Variants in TRAPPC8 observed in about 807,000 individuals in gnomAD.
TRAPPC8 encodes the protein general sporulation gene 1 homolog.
Under a neutral mutation model 174.3 loss-of-function variants are expected in TRAPPC8, and 54 were observed. That is an observed-to-expected ratio of 0.31 (90% confidence interval 0.25 to 0.39). TRAPPC8 has a LOEUF of 0.39. Ranked by LOEUF, TRAPPC8 falls within the 10% of genes least tolerant of loss-of-function variation. The probability of loss-of-function intolerance (pLI) is 1.00; values close to 1 mark genes in which losing one functional copy is unlikely to be tolerated. For missense variants in TRAPPC8, 1,531 were observed against 1,699.1 expected (o/e 0.90, Z 1.74); for synonymous variants, 630 against 579.9 (o/e 1.09, Z -1.24).
At chr18:31,865,612 A>T (rs1365006051) in intron 18 of TRAPPC8, among the ~76,000 whole-genome samples, 12 of 151,932 alleles carry the variant, frequency 7.9e-5, no homozygotes, top group Non-Finnish European at 1.6e-4. Flanking sequence ...AATAACATAT[A>T]AAGTATTTTT....
chr18:31,923,278 T>C (rs1010737949), intron 2 of TRAPPC8, among the ~76,000 whole-genome samples: 1 of 152,070 alleles, frequency 6.6e-6, no homozygotes, highest in African/African-American at 2.4e-5. Flanking sequence ...TACAAAACAG[T>C]ACCTAAGTGG....
rs71175801 is a variant in TRAPPC8 at position 31,876,489 on chromosome 18, C to CAAAAAAAAAAAAAAAAAAAAAAAAAAAA, written c.1729-1786_1729-1785insTTTTTTTTTTTTTTTTTTTTTTTTTTTT. ...TGGGCTACACTGCGAGACTCCATCT[C>CAAAAAAAAAAAAAAAAAAAAAAAAAAAA]AAAAAAAAAAAAAAAAAAAAAAAGA... On this transcript the variant is annotated intron_variant, in intron 12 of 28. Coordinates refer to ENST00000283351, the MANE Select transcript of TRAPPC8 (RefSeq NM_014939.5). Among the ~76,000 whole-genome samples, 12 of 48,714 alleles carry CAAAAAAAAAAAAAAAAAAAAAAAAAAAA rather than the reference C, an allele frequency of 2.5e-4. 2 individuals are homozygous for CAAAAAAAAAAAAAAAAAAAAAAAAAAAA. Among genetic ancestry groups the CAAAAAAAAAAAAAAAAAAAAAAAAAAAA allele is most frequent in the East Asian group, 1.2e-3 (2 of 1,626 alleles). The allele number at this position is 48,714 out of a possible 152,430, so 32.0% of individuals were successfully genotyped here. A position where few individuals can be genotyped will look rare whatever the true frequency, so the allele number is the denominator to read the frequency against.
chr18:31,864,027 T>C (rs1308725620), intron 19 of TRAPPC8, among the ~76,000 whole-genome samples: 1 of 148,054 alleles, frequency 6.8e-6, no homozygotes, highest in Non-Finnish European at 1.5e-5. Flanking sequence ...TATTATAATA[T>C]GTTCTATAAA....
intron 9 of TRAPPC8, among the ~76,000 whole-genome samples, chr18:31,903,557 T>C (rs2036535790): frequency 6.6e-6 from 1 of 152,134 alleles, no homozygotes; most frequent in Admixed American, 6.5e-5. Flanking sequence ...ATAAAGTACA[T>C]CTCTTTCCAA....
At chr18:31,936,773 G>A (rs146429205) in intron 1 of TRAPPC8, among the ~76,000 whole-genome samples, 53 of 151,846 alleles carry the variant, frequency 3.5e-4, no homozygotes, top group Non-Finnish European at 6.3e-4. Context: ...GTGGTGGCCC[G>A]TGCCTGTAAT....
At chr18:31,856,686 T>C (rs2034031813) in intron 20 of TRAPPC8, among the ~76,000 whole-genome samples, 2 of 152,128 alleles carry the variant, frequency 1.3e-5, no homozygotes, top group Non-Finnish European at 1.5e-5. Context: ...CTGAACTAAC[T>C]ACATTCAGTT....
At chr18:31,869,589 G>A (rs1015635809) in intron 16 of TRAPPC8, among the ~76,000 whole-genome samples, 3 of 152,114 alleles carry the variant, frequency 2.0e-5, no homozygotes, top group Non-Finnish European at 2.9e-5. Context: ...CAGTATTACC[G>A]TGATAGTCAA....
intron 18 of TRAPPC8, among the ~76,000 whole-genome samples, chr18:31,865,945 T>C (rs1249437113): frequency 1.3e-5 from 2 of 151,984 alleles, no homozygotes; most frequent in East Asian, 3.8e-4. Flanking sequence ...AAAATGTTTT[T>C]AGTTTCTATG....
chr18:31,924,104 T>A (rs1463766433), intron 2 of TRAPPC8, among the ~76,000 whole-genome samples: 1 of 150,144 alleles, frequency 6.7e-6, no homozygotes, highest in Non-Finnish European at 1.5e-5. Context: ...GCCAACGTGG[T>A]GAAACCTCAT....
chr18:31,871,845 T>C (rs529000107), intron 14 of TRAPPC8, among the ~76,000 whole-genome samples: 1 of 152,054 alleles, frequency 6.6e-6, no homozygotes, highest in African/African-American at 2.4e-5. Context: ...AATGCTACTA[T>C]GAATATGACA....
chr18:31,852,340 C>T (rs141464081), intron 24 of TRAPPC8, 106 bp downstream of exon 24: 18 of 1,274,422 alleles, frequency 1.4e-5, no homozygotes, highest in East Asian at 1.2e-4. Context: ...TTGTCTCCCC[C>T]CCAAAAAAAA....
chr18:31,901,635 G>C (rs2036430755), intron 9 of TRAPPC8, among the ~76,000 whole-genome samples: 1 of 152,126 alleles, frequency 6.6e-6, no homozygotes, highest in South Asian at 2.1e-4. Flanking sequence ...AATGAATTCT[G>C]GTGTCCAGAC....
At chr18:31,837,339 A>G (rs560743590) in intron 27 of TRAPPC8, among the ~76,000 whole-genome samples, 32 of 152,252 alleles carry the variant, frequency 2.1e-4, no homozygotes, top group African/African-American at 7.5e-4. Context: ...AAAAAAAGGC[A>G]AGCACATATG....
chr18:31,865,086 G>A (rs2034522806), intron 18 of TRAPPC8, among the ~76,000 whole-genome samples: 1 of 151,970 alleles, frequency 6.6e-6, no homozygotes, highest in East Asian at 1.9e-4. Flanking sequence ...CAAAACCTGA[G>A]AGAATAATTA....
intron 1 of TRAPPC8, among the ~76,000 whole-genome samples, chr18:31,932,690 T>C (rs570626269): frequency 6.6e-6 from 1 of 151,900 alleles, no homozygotes; most frequent in Admixed American, 6.6e-5. Context: ...TTAAAAGCAG[T>C]CCATTACAGG....
chr18:31,880,090 A>AATATATATAT (rs1246506445), intron 12 of TRAPPC8, among the ~76,000 whole-genome samples: 4 of 85,378 alleles, frequency 4.7e-5, no homozygotes, highest in African/African-American at 1.0e-4. Context: ...TGAAAAAAAA[A>AATATATATAT]ATATATATAT....
chr18:31,934,676 T>C (rs2038001648), intron 1 of TRAPPC8, among the ~76,000 whole-genome samples: 1 of 152,090 alleles, frequency 6.6e-6, no homozygotes, highest in Non-Finnish European at 1.5e-5. Context: ...AAGACCAGCC[T>C]GGCCAACGTG....
intron 11 of TRAPPC8, among the ~76,000 whole-genome samples, chr18:31,896,707 C>T (rs920984329): frequency 2.6e-5 from 4 of 152,126 alleles, no homozygotes; most frequent in African/African-American, 9.7e-5. Flanking sequence ...CTCACTGCAA[C>T]CTCCACCTTG....
chr18:31,924,070 T>C (rs892033697), intron 2 of TRAPPC8, among the ~76,000 whole-genome samples: 4 of 150,588 alleles, frequency 2.7e-5, no homozygotes, highest in Admixed American at 2.0e-4. Flanking sequence ...GATCACCTGA[T>C]GTCAGGAGTT....
Sources: gnomAD v4.1 joint callset for allele counts (sites outside exome capture counted in the v4.1 genomes callset) on GRCh38, gnomAD v4.1.1 for gene constraint, MANE v1.5 for transcripts, NCBI Gene and HGNC (gene_info 2026-07-23, HGNC 2026-07-21) for gene names.